The following NBEA variants were observed in gnomAD, a reference collection of about 807,000 sequenced individuals.
NBEA encodes lysosomal-trafficking regulator 2.
In NBEA, 44 loss-of-function variants were observed where a neutral mutation model predicts 343.4. The observed-to-expected ratio is 0.13, with a 90% CI of 0.10 to 0.16. The LOEUF is 0.16. Among genes scored for constraint, NBEA ranks in the 10% least tolerant of loss-of-function variants. NBEA has a pLI of 1.00. For synonymous variants in NBEA, 1,175 were observed against 1,238.7 expected, an observed-to-expected ratio of 0.95 and a Z score of 1.08; for missense variants, 2,555 against 3,631.3, an observed-to-expected ratio of 0.70 and a Z score of 7.62.
intron 38 of NBEA, among the ~76,000 whole-genome samples, chr13:35,396,388 TA>T (rs2042746848): frequency 6.6e-6 from 1 of 152,178 alleles, no homozygotes; most frequent in Non-Finnish European, 1.5e-5. Flanking sequence ...ATTATATGAA[TA>T]TTTTTAGAAT....
At chr13:35,410,743 C>G (rs2043532822) in intron 38 of NBEA, among the ~76,000 whole-genome samples, 1 of 151,988 alleles carries the variant, frequency 6.6e-6, no homozygotes, top group Non-Finnish European at 1.5e-5. Flanking sequence ...CCTTTACAAA[C>G]TTTTTAAGAT....
At chr13:35,665,706 A>G (rs1020775842) in intron 56 of NBEA, among the ~76,000 whole-genome samples, 3 of 152,150 alleles carry the variant, frequency 2.0e-5, no homozygotes, top group African/African-American at 7.2e-5. Flanking sequence ...GGCTCCCTGC[A>G]ACTTCCGCCT....
intron 38 of NBEA, among the ~76,000 whole-genome samples, chr13:35,375,629 A>G (rs900713786): frequency 2.6e-5 from 4 of 152,158 alleles, no homozygotes; most frequent in African/African-American, 7.2e-5. Flanking sequence ...AGGGACATGC[A>G]TGATTATGTC....
At chr13:35,464,664 T>G (rs976718589) in intron 40 of NBEA, among the ~76,000 whole-genome samples, 16 of 152,104 alleles carry the variant, frequency 1.1e-4, no homozygotes, top group Admixed American at 9.2e-4. Context: ...CAACCCAGAG[T>G]CTCATTTTCT....
At chr13:35,261,400 G>A (rs2033203298) in intron 34 of NBEA, among the ~76,000 whole-genome samples, 1 of 151,970 alleles carries the variant, frequency 6.6e-6, no homozygotes. Context: ...TAGTCCAGCT[G>A]CTAGGGATGC....
chr13:35,142,781 C>A (rs1016477984), intron 18 of NBEA, among the ~76,000 whole-genome samples: 1 of 152,102 alleles, frequency 6.6e-6, no homozygotes, highest in Non-Finnish European at 1.5e-5. Context: ...GGAGTTGCTA[C>A]TGGGATAAAT....
At chr13:35,006,304 C>T (rs1311041099) in intron 1 of NBEA, among the ~76,000 whole-genome samples, 3 of 151,720 alleles carry the variant, frequency 2.0e-5, no homozygotes, top group Non-Finnish European at 4.4e-5. Flanking sequence ...TAGTGGTAAC[C>T]CTAGATATTA....
chr13:35,310,302 C>G (rs183663082), intron 36 of NBEA, among the ~76,000 whole-genome samples: 1 of 152,250 alleles, frequency 6.6e-6, no homozygotes, highest in East Asian at 1.9e-4. Context: ...TGGGCAAATT[C>G]TTAAACCATG....
At chr13:35,455,127 A>G (rs1323509605) in intron 40 of NBEA, among the ~76,000 whole-genome samples, 4 of 151,954 alleles carry the variant, frequency 2.6e-5, no homozygotes, top group Admixed American at 6.6e-5. Context: ...TAGAATATAT[A>G]TGAAAGAATA....
At position 35,218,257 on chromosome 13, in the gene NBEA, C is replaced by A. The variant is rs540590474; in HGVS notation, c.5648+7078C>A. 3.4e-4 allele frequency among the ~76,000 whole-genome samples: 52 copies of A among 152,156 alleles called. No homozygotes were observed. The South Asian group carries it at 4.6e-3, about 13-fold the overall frequency. On this transcript the variant is annotated intron_variant, in intron 33 of 58. Transcript: ENST00000379939. ...TTTAGACCATCTTACTTTTTCAAGGCTACAAATGAATTTTATATTCTTATC... is the reference window on the plus strand; with the variant it reads ...TTTAGACCATCTTACTTTTTCAAGGATACAAATGAATTTTATATTCTTATC...
At chr13:35,037,003 T>C (rs1437118542) in intron 1 of NBEA, among the ~76,000 whole-genome samples, 1 of 152,190 alleles carries the variant, frequency 6.6e-6, no homozygotes, top group African/African-American at 2.4e-5. Context: ...CCTATCTGTT[T>C]CTTTACCTCC....
chr13:34,997,701 A>C (rs555877824), intron 1 of NBEA, among the ~76,000 whole-genome samples: 1 of 152,296 alleles, frequency 6.6e-6, no homozygotes, highest in East Asian at 1.9e-4. Context: ...TTACCTTTTA[A>C]GATTCTCACT....
intron 39 of NBEA, among the ~76,000 whole-genome samples, chr13:35,445,782 T>TTATATATATATATATATA (rs71081255): frequency 7.9e-5 from 9 of 113,232 alleles, no homozygotes; most frequent in Admixed American, 2.2e-4. Context: ...ATATAAATGT[T>TTATATATATATATATATA]TATATATATA....
At chr13:35,584,314 C>CTT (rs67450016) in intron 46 of NBEA, among the ~76,000 whole-genome samples, 2 of 134,302 alleles carry the variant, frequency 1.5e-5, no homozygotes, top group Non-Finnish European at 1.6e-5. Context: ...GAGTACATAC[C>CTT]TTTTTTTTTT....
chr13:35,410,383 G>T (rs1415950462), intron 38 of NBEA, among the ~76,000 whole-genome samples: 1 of 152,128 alleles, frequency 6.6e-6, no homozygotes, highest in Non-Finnish European at 1.5e-5. Context: ...AATTTGCAAT[G>T]TAAATTGATA....
At chr13:35,020,158 C>G (rs956037832) in intron 1 of NBEA, among the ~76,000 whole-genome samples, 1 of 152,006 alleles carries the variant, frequency 6.6e-6, no homozygotes, top group Admixed American at 6.5e-5. Context: ...ATACATTTCT[C>G]TAAAGCACTG....
At chr13:34,999,633 A>C (rs1168169432) in intron 1 of NBEA, among the ~76,000 whole-genome samples, 1 of 152,136 alleles carries the variant, frequency 6.6e-6, no homozygotes, top group Non-Finnish European at 1.5e-5. Flanking sequence ...TAAAAGTGGA[A>C]GCCTGTGTGT....
At chr13:35,005,702 G>C (rs1025730811) in intron 1 of NBEA, among the ~76,000 whole-genome samples, 1 of 152,082 alleles carries the variant, frequency 6.6e-6, no homozygotes, top group Non-Finnish European at 1.5e-5. Context: ...CACCTAGCTG[G>C]AGCACTTAAT....
intron 41 of NBEA, among the ~76,000 whole-genome samples, chr13:35,505,573 T>C (rs1467260361): frequency 6.6e-6 from 1 of 152,206 alleles, no homozygotes; most frequent in Non-Finnish European, 1.5e-5. Flanking sequence ...CATCTATGCC[T>C]AAGCTGAAGC....
Sources: gnomAD v4.1 joint callset for allele counts (sites outside exome capture counted in the v4.1 genomes callset) on GRCh38, gnomAD v4.1.1 for gene constraint, MANE v1.5 for transcripts, NCBI Gene and HGNC (gene_info 2026-07-23, HGNC 2026-07-21) for gene names.